ATP6V0D1: variants seen among roughly 807,000 people sequenced by gnomAD.
ATP6V0D1 encodes the protein ATPase H+ transporting V0 subunit d1.
ATP6V0D1 carries 13 observed loss-of-function variants against 39.0 expected under a neutral mutation model. The observed-to-expected ratio is 0.33, with a 90% confidence interval of 0.22 to 0.53. The LOEUF is 0.53. Ranked by LOEUF, ATP6V0D1 falls within the 20% of genes least tolerant of loss-of-function variation. ATP6V0D1 has a pLI of 0.94. For missense variants in ATP6V0D1, 272 were observed against 470.9 expected (o/e 0.58, Z 3.91); for synonymous variants, 191 against 191.2 (o/e 1.00, Z 0.01).
At chr16:67,475,208 C>T (rs2041405119) in intron 1 of ATP6V0D1, among the ~76,000 whole-genome samples, 1 of 152,214 alleles carries the variant, frequency 6.6e-6, no homozygotes, top group African/African-American at 2.4e-5. Context: ...CTAATCTCTC[C>T]TTAACTTTCC....
intron 1 of ATP6V0D1, among the ~76,000 whole-genome samples, chr16:67,479,965 C>T (rs987005399): frequency 3.7e-5 from 4 of 108,520 alleles, no homozygotes; most frequent in Non-Finnish European, 6.4e-5. Flanking sequence ...TTTGGGAGGC[C>T]GAGGCGGGCG....
At chr16:67,439,497 T>C (rs1319751367) in intron 4 of ATP6V0D1, 146 bp from the exon 5 acceptor site, 5 of 711,358 alleles carry the variant, frequency 7.0e-6, no homozygotes, top group Non-Finnish European at 1.2e-5. Context: ...GGGCAGCCCT[T>C]ACAGCAAAGC....
At chr16:67,468,205 T>A (rs2142329110) in intron 1 of ATP6V0D1, among the ~76,000 whole-genome samples, 1 of 152,022 alleles carries the variant, frequency 6.6e-6, no homozygotes, top group Non-Finnish European at 1.5e-5. Context: ...GGTAGAAGGA[T>A]CACTTGAGCC....
Position 67,441,899 on chromosome 16 carries a change from G to A in ATP6V0D1, c.561+1200C>T, listed in dbSNP as rs77115810. 9.0e-3 allele frequency among the ~76,000 whole-genome samples: 1,375 copies of A among 152,298 alleles called. 10 individuals carry two copies. Among genetic ancestry groups the A allele is most frequent in the Non-Finnish European group, 0.014 (940 of 68,028 alleles). ...AGAAGGGGCTTTCTGAGAAGACTCT[G>A]CTCTGTTGGAAACCTCTACTGGCTG... On this transcript the variant is annotated intron_variant, in intron 4 of 7. Transcript: ENST00000290949.
intron 1 of ATP6V0D1, among the ~76,000 whole-genome samples, chr16:67,469,700 T>G (rs1220753711): frequency 6.6e-6 from 1 of 152,244 alleles, no homozygotes; most frequent in East Asian, 1.9e-4. Flanking sequence ...TGATGGCTGC[T>G]GGGTGTGGGT....
At chr16:67,458,502 C>A (rs142834981) in intron 1 of ATP6V0D1, among the ~76,000 whole-genome samples, 72 of 152,264 alleles carry the variant, frequency 4.7e-4, no homozygotes, top group African/African-American at 1.6e-3. Flanking sequence ...GAGGCCCAGA[C>A]GTGCCCAGCC....
In ATP6V0D1 at chr16:67,438,972, G is replaced by A. The variant is rs1351368406; in HGVS notation, c.815C>T (p.Pro272Leu). Residue 272 changes from proline (P) to leucine (L), a missense_variant and splice_region_variant, in exon 6 of 8, where the codon CCG (proline) becomes CTG (leucine). Pro to Leu is a moderately conservative substitution (Grantham distance 98). Transcript: ENST00000290949. The part of the protein sequence containing the change: ...EQVKNVADYY[P>L]EYKLLFEGAG... ...TGTCCTGCCAGCCGGGGCACTCACC[G>A]GGTAGTAATCGGCCACGTTCTTGAC... 8 of 1,613,606 alleles carry A rather than the reference G, an allele frequency of 5.0e-6. No individual in the cohort carries two copies. The highest frequency in any genetic ancestry group is 1.3e-5 in the African/African-American group (1 of 74,924).
chr16:67,468,161 C>T lies in ATP6V0D1; in HGVS notation c.130+12796G>A, dbSNP rs1044728872. On this transcript the variant is annotated intron_variant, in intron 1 of 7. Transcript: ENST00000290949. ...AAAAAATTAGCCAGACATGGTAACA[C>T]ATGCCTGTACTCCCAGCTACTTGGG... 3.9e-5 allele frequency among the ~76,000 whole-genome samples: 6 copies of T among 152,104 alleles called. 1 individual carries two copies. The highest frequency in any genetic ancestry group is 1.3e-4 in the Admixed American group (2 of 15,260).
rs760896042 is a variant in ATP6V0D1, at chr16:67,453,415, G to A, written c.302+129C>T. On this transcript the variant is annotated intron_variant, in intron 2 of 7. Coordinates refer to ENST00000290949, the MANE Select transcript of ATP6V0D1 (RefSeq NM_004691.5). This position sits in a 1 kb window ranked among gnomAD's most constrained non-coding sequence, Gnocchi z 4.1. Reference sequence around the variant, plus strand: ...GGGTCCTGGGACACCTGGCCTGACAGAGCTGCCATCAGCTCTGACAGCTGA... The same window carrying A: ...GGGTCCTGGGACACCTGGCCTGACAAAGCTGCCATCAGCTCTGACAGCTGA... 2 of 1,128,390 alleles carry A rather than the reference G, an allele frequency of 1.8e-6. No homozygotes were observed. The highest frequency in any genetic ancestry group is 2.6e-6 in the Non-Finnish European group (2 of 779,574). The allele number at this position is 1,128,390 out of a possible 1,614,324, so 69.9% of individuals were successfully genotyped here. A position where few individuals can be genotyped will look rare whatever the true frequency, so the allele number is the denominator to read the frequency against.
chr16:67,479,686 A>C (rs188664650), intron 1 of ATP6V0D1, among the ~76,000 whole-genome samples: 1 of 152,252 alleles, frequency 6.6e-6, no homozygotes, highest in East Asian at 1.9e-4. Flanking sequence ...TGACGAGAAA[A>C]TGTTCTCTAG....
chr16:67,448,667 A>G (rs1274136742), intron 2 of ATP6V0D1, among the ~76,000 whole-genome samples: 1 of 151,888 alleles, frequency 6.6e-6, no homozygotes, highest in Non-Finnish European at 1.5e-5. Context: ...CTCAAAAAAA[A>G]AAAAAAAAAA....
chr16:67,466,097 T>C (rs768478592), intron 1 of ATP6V0D1, among the ~76,000 whole-genome samples: 1 of 152,044 alleles, frequency 6.6e-6, no homozygotes, highest in African/African-American at 2.4e-5. Flanking sequence ...AATCACTGCC[T>C]CAGACTCCTG....
chr16:67,478,224 G>GA (rs2041432373), intron 1 of ATP6V0D1, among the ~76,000 whole-genome samples: 1 of 152,162 alleles, frequency 6.6e-6, no homozygotes, highest in Non-Finnish European at 1.5e-5. Context: ...GGCAGGATTG[G>GA]AATTCAACCC....
Position 67,462,722 on chromosome 16 carries a change from G to A in ATP6V0D1, c.131-9007C>T, listed in dbSNP as rs564158929. Among the ~76,000 whole-genome samples the A allele has an allele frequency of 2.6e-5, 4 of 152,206 alleles. No homozygotes were observed. The South Asian group carries it at 8.3e-4, about 32-fold the overall frequency. Reference sequence around the variant, plus strand: ...ACATGCCTGTAGTCTCAGCTACCTGGGAGGCTAAGGTGGGAGGATGGCTTG... The same window carrying A: ...ACATGCCTGTAGTCTCAGCTACCTGAGAGGCTAAGGTGGGAGGATGGCTTG... On this transcript the variant is annotated intron_variant, in intron 1 of 7. Transcript: ENST00000290949.
At chr16:67,472,786 C>T (rs1211372924) in intron 1 of ATP6V0D1, among the ~76,000 whole-genome samples, 1 of 152,054 alleles carries the variant, frequency 6.6e-6, no homozygotes, top group Non-Finnish European at 1.5e-5. Flanking sequence ...AGGAGAATGG[C>T]GTGAACCCAG....
chr16:67,461,903 G>A (rs1346675341), intron 1 of ATP6V0D1, among the ~76,000 whole-genome samples: 1 of 152,188 alleles, frequency 6.6e-6, no homozygotes, highest in Non-Finnish European at 1.5e-5. Context: ...GTGGTAGGTG[G>A]TGGCAGAGAC....
At chr16:67,479,397 T>TAG (rs1250783950) in intron 1 of ATP6V0D1, among the ~76,000 whole-genome samples, 1 of 151,952 alleles carries the variant, frequency 6.6e-6, no homozygotes, top group East Asian at 1.9e-4. Flanking sequence ...GTATCTTGAG[T>TAG]AGAGACAGGG....
Position 67,465,287 on chromosome 16 carries a change from G to GC in ATP6V0D1, c.131-11573dup, listed in dbSNP as rs1254919821. Among the ~76,000 whole-genome samples the GC allele has an allele frequency of 3.3e-5, 5 of 152,172 alleles. No individual in the cohort carries two copies. In the East Asian group the frequency reaches 9.6e-4, roughly 29 times the overall value. On this transcript the variant is annotated intron_variant, in intron 1 of 7. Transcript: ENST00000290949. ...TGCAGTGCTTACATGGTGTTCAGGT[G>GC]CCTGGTTTGGCCATCTCCCGGAGTC... is the stretch of plus-strand genomic sequence containing the variant.
intron 1 of ATP6V0D1, among the ~76,000 whole-genome samples, chr16:67,472,063 C>A (rs372702253): frequency 1.3e-5 from 2 of 152,172 alleles, no homozygotes; most frequent in Non-Finnish European, 2.9e-5. Flanking sequence ...AAACCTCCCC[C>A]CTGCCTAGCC....
Sources: allele counts gnomAD v4.1 joint callset (sites outside exome capture counted in the v4.1 genomes callset), GRCh38; gene constraint gnomAD v4.1.1; non-coding constraint Gnocchi (gnomAD v3.1); transcripts MANE v1.5; gene names NCBI Gene and HGNC (gene_info 2026-07-23, HGNC 2026-07-21).